Variants in LYPLAL1 observed in about 807,000 individuals in gnomAD.
LYPLAL1 encodes the protein lysophospholipase like 1.
Under a neutral mutation model 19.7 loss-of-function variants are expected in LYPLAL1, and 23 were observed. That is an observed-to-expected ratio of 1.17 (90% confidence interval 0.84 to 1.65). LYPLAL1 has a LOEUF of 1.65. Ranked by LOEUF, LYPLAL1 falls within the 40% of genes most tolerant of loss-of-function variation. The pLI, the probability that LYPLAL1 is intolerant of heterozygous loss-of-function variation, is 0.00. For synonymous variants in LYPLAL1, 119 were observed against 96.3 expected (o/e 1.24, Z -1.38); for missense variants, 355 against 279.4 (o/e 1.27, Z -1.93).
At chr1:219,401,591 A>T in the LYPLAL1 span, among the ~76,000 whole-genome samples, 1 of 152,042 alleles carries the variant, frequency 6.6e-6, no homozygotes, top group Non-Finnish European at 1.5e-5. Flanking sequence ...TCAAATTACA[A>T]TGAAGTACTT....
At chr1:219,303,910 A>G in the LYPLAL1 span, among the ~76,000 whole-genome samples, 1,906 of 152,312 alleles carry the variant, frequency 0.013, 18 homozygotes, top group Non-Finnish European at 0.018. Context: ...ACCTAGGGAT[A>G]TGATTTATTG....
At chr1:219,258,087 C>T in the LYPLAL1 span, among the ~76,000 whole-genome samples, 1 of 152,082 alleles carries the variant, frequency 6.6e-6, no homozygotes, top group African/African-American at 2.4e-5. Context: ...ACCCTGCAGG[C>T]AGTCAGACCT....
chr1:219,415,885 A>G, the LYPLAL1 span, among the ~76,000 whole-genome samples: 2 of 152,092 alleles, frequency 1.3e-5, no homozygotes, highest in Non-Finnish European at 2.9e-5. Flanking sequence ...TCTTCCTGTC[A>G]CCGCATGGTC....
At chr1:219,255,012 C>A in the LYPLAL1 span, among the ~76,000 whole-genome samples, 1 of 151,754 alleles carries the variant, frequency 6.6e-6, no homozygotes, top group African/African-American at 2.4e-5. Flanking sequence ...TTCAGAGAAC[C>A]AGACTTCACA....
At chr1:219,194,125 G>T (rs1222866999) in intron 3 of LYPLAL1, among the ~76,000 whole-genome samples, 2 of 151,790 alleles carry the variant, frequency 1.3e-5, no homozygotes, top group African/African-American at 4.8e-5. Context: ...TTCTGTCTTG[G>T]CGTTAGTTTC....
At chr1:219,179,108 TA>T (rs1460183438) in intron 1 of LYPLAL1, 38 bp from the exon 2 acceptor site, 2 of 1,431,896 alleles carry the variant, frequency 1.4e-6, no homozygotes, top group Non-Finnish European at 1.9e-6. Context: ...ATTGTATTAC[TA>T]AAATATTTAT....
intron 3 of LYPLAL1, among the ~76,000 whole-genome samples, chr1:219,198,357 A>G (rs781510934): frequency 2.6e-5 from 4 of 152,064 alleles, no homozygotes; most frequent in Admixed American, 1.3e-4. Context: ...CATATTATAT[A>G]TGCTATATAT....
chr1:219,179,777 G>A (rs896784752), intron 2 of LYPLAL1, among the ~76,000 whole-genome samples: 1 of 152,184 alleles, frequency 6.6e-6, no homozygotes, highest in African/African-American at 2.4e-5. Context: ...ACCTGTAGGT[G>A]TGTGCAAAAA....
the LYPLAL1 span, among the ~76,000 whole-genome samples, chr1:219,220,442 C>G: frequency 2.0e-5 from 3 of 151,418 alleles, no homozygotes; most frequent in Non-Finnish European, 4.4e-5. Flanking sequence ...AAGGACTTTT[C>G]CCTAGGGCTA....
chr1:219,325,001 C>T, the LYPLAL1 span, among the ~76,000 whole-genome samples: 1 of 152,154 alleles, frequency 6.6e-6, no homozygotes, highest in Non-Finnish European at 1.5e-5. Context: ...AATACACCAA[C>T]CTTCTTAACC....
chr1:219,318,027 G>T, the LYPLAL1 span, among the ~76,000 whole-genome samples: 2 of 152,172 alleles, frequency 1.3e-5, no homozygotes, highest in African/African-American at 2.4e-5. Flanking sequence ...TCAAGTCAGA[G>T]TGTTGACCTT....
intron 3 of LYPLAL1, among the ~76,000 whole-genome samples, chr1:219,195,668 C>T (rs1194298304): frequency 6.6e-6 from 1 of 151,690 alleles, no homozygotes; most frequent in African/African-American, 2.4e-5. Flanking sequence ...CCTAGTACAA[C>T]AAAATCAAAT....
the LYPLAL1 span, among the ~76,000 whole-genome samples, chr1:219,364,582 G>A: frequency 1.3e-5 from 2 of 152,016 alleles, no homozygotes; most frequent in African/African-American, 4.8e-5. Context: ...TTACTTTTTA[G>A]TTTGTTTTCC....
the LYPLAL1 span, among the ~76,000 whole-genome samples, chr1:219,400,126 G>C: frequency 3.3e-5 from 5 of 152,056 alleles, no homozygotes; most frequent in African/African-American, 1.2e-4. Flanking sequence ...GCACAGTATC[G>C]TCGTGCGGGG....
At chr1:219,335,924 G>C in the LYPLAL1 span, among the ~76,000 whole-genome samples, 1 of 151,398 alleles carries the variant, frequency 6.6e-6, no homozygotes, top group Admixed American at 6.6e-5. Context: ...GTCAAGAAAA[G>C]GTGATGTCAA....
At chr1:219,254,450 A>G in the LYPLAL1 span, among the ~76,000 whole-genome samples, 1 of 152,018 alleles carries the variant, frequency 6.6e-6, no homozygotes, top group Admixed American at 6.6e-5. Flanking sequence ...GACTCCTTTC[A>G]AGATCTCTTT....
chr1:219,424,536 C>T, the LYPLAL1 span, among the ~76,000 whole-genome samples: 1 of 152,128 alleles, frequency 6.6e-6, no homozygotes, highest in African/African-American at 2.4e-5. Context: ...GGAACAACAA[C>T]GAGATTGTCA....
At chr1:219,334,073 T>C in the LYPLAL1 span, among the ~76,000 whole-genome samples, 1 of 152,070 alleles carries the variant, frequency 6.6e-6, no homozygotes, top group Non-Finnish European at 1.5e-5. Flanking sequence ...TTTATTCAGT[T>C]TCCCCTTCAC....
At chr1:219,205,710 A>AGCCTG (rs1316084100) in intron 3 of LYPLAL1, among the ~76,000 whole-genome samples, 1 of 152,228 alleles carries the variant, frequency 6.6e-6, no homozygotes, top group African/African-American at 2.4e-5. Context: ...CAAAATTTCC[A>AGCCTG]GCCTGCCTTT....
Sources: allele counts gnomAD v4.1 joint callset (sites outside exome capture counted in the v4.1 genomes callset), GRCh38; gene constraint gnomAD v4.1.1; transcripts MANE v1.5; gene names NCBI Gene and HGNC (gene_info 2026-07-23, HGNC 2026-07-21).